The following DLGAP1 variants were observed in gnomAD, a reference collection of about 807,000 sequenced individuals.
DLGAP1 encodes the protein DLG associated protein 1.
A neutral mutation model predicts 90.8 loss-of-function variants in DLGAP1; 11 were observed. That is an observed-to-expected ratio of 0.12 (90% CI 0.08 to 0.20). The LOEUF (loss-of-function observed/expected upper bound fraction) is 0.20. DLGAP1 is among the 10% of genes least tolerant of loss of function. DLGAP1 has a pLI of 1.00. For missense variants in DLGAP1, 1,050 were observed against 1,333.8 expected, an observed-to-expected ratio of 0.79 and a Z score of 3.31; for synonymous variants, 558 against 540.7, an observed-to-expected ratio of 1.03 and a Z score of -0.44.
chr18:3,913,696 C>T (rs533443849), intron 3 of DLGAP1, among the ~76,000 whole-genome samples: 1 of 152,248 alleles, frequency 6.6e-6, no homozygotes, highest in South Asian at 2.1e-4. Flanking sequence ...ATTAATATTG[C>T]TCCTTAAAAC....
chr18:3,832,310 T>G (rs2068074030), intron 4 of DLGAP1, among the ~76,000 whole-genome samples: 1 of 152,198 alleles, frequency 6.6e-6, no homozygotes, highest in African/African-American at 2.4e-5. Flanking sequence ...TGCAGATATA[T>G]TTCATTTGAG....
rs866402553 is a variant in DLGAP1, at chr18:4,269,055, C to T, written c.-266-117768G>A. ...AGATTGATGGATTATTAAAAATTGG[C>T]AAATCAGAGTAGTCCCAGTTAATAT... On this transcript the variant is annotated intron_variant, in intron 1 of 12. Coordinates refer to ENST00000315677, the MANE Select transcript of DLGAP1 (RefSeq NM_004746.4). Among the ~76,000 whole-genome samples the T allele has an allele frequency of 3.1e-4, 47 of 151,936 alleles. 1 individual carries two copies. The highest frequency in any genetic ancestry group is 1.1e-3 in the African/African-American group (46 of 41,500).
chr18:3,601,065 T>C (rs965389194), intron 7 of DLGAP1, among the ~76,000 whole-genome samples: 1 of 148,024 alleles, frequency 6.8e-6, no homozygotes, highest in Non-Finnish European at 1.5e-5. Flanking sequence ...TATATAGATA[T>C]ATAGATATAT....
intron 1 of DLGAP1, among the ~76,000 whole-genome samples, chr18:4,434,887 C>T (rs368174568): frequency 2.0e-5 from 3 of 152,082 alleles, no homozygotes; most frequent in Admixed American, 6.6e-5. Context: ...CATAAAACAC[C>T]GTGTTATTTA....
chr18:3,565,796 C>T lies in DLGAP1; in HGVS notation c.2057+1694G>A, dbSNP rs1482768464. Among the ~76,000 whole-genome samples, 3 of 152,010 alleles carry T rather than the reference C, an allele frequency of 2.0e-5. No homozygotes were observed. Among genetic ancestry groups the T allele is most frequent in the Non-Finnish European group, 4.4e-5 (3 of 67,998 alleles). Reference sequence around the variant, plus strand: ...GTTGCAGTGAGCCGAAATTGCACCACTGCACCCCAGCCTGGGCGACAGAGT... The same window carrying T: ...GTTGCAGTGAGCCGAAATTGCACCATTGCACCCCAGCCTGGGCGACAGAGT... On this transcript the variant is annotated intron_variant, in intron 9 of 12. Coordinates refer to ENST00000315677, the MANE Select transcript of DLGAP1 (RefSeq NM_004746.4). This position sits in a 1 kb window ranked among gnomAD's most constrained non-coding sequence, Gnocchi z 4.0.
At chr18:3,765,419 T>C (rs940634553) in intron 5 of DLGAP1, among the ~76,000 whole-genome samples, 6 of 151,054 alleles carry the variant, frequency 4.0e-5, no homozygotes, top group African/African-American at 7.3e-5. Flanking sequence ...CGTGAGCCAC[T>C]GCACCTGGCT....
At chr18:3,671,065 C>CT (rs1468187147) in intron 7 of DLGAP1, among the ~76,000 whole-genome samples, 3 of 152,112 alleles carry the variant, frequency 2.0e-5, no homozygotes, top group Non-Finnish European at 2.9e-5. Context: ...CCCATCCCTT[C>CT]TTTCTTTTTC....
chr18:4,234,622 A>C (rs1275788224), intron 1 of DLGAP1, among the ~76,000 whole-genome samples: 1 of 152,176 alleles, frequency 6.6e-6, no homozygotes, highest in Non-Finnish European at 1.5e-5. Flanking sequence ...TTTGTTCTTC[A>C]AATTATAAAA....
intron 3 of DLGAP1, among the ~76,000 whole-genome samples, chr18:3,890,069 C>T (rs975042460): frequency 4.6e-5 from 7 of 152,150 alleles, no homozygotes; most frequent in African/African-American, 1.7e-4. Flanking sequence ...CTTACTCATC[C>T]AAGTAAAGGG....
intron 2 of DLGAP1, among the ~76,000 whole-genome samples, chr18:4,007,483 C>T (rs2074326575): frequency 6.6e-6 from 1 of 151,978 alleles, no homozygotes; most frequent in Non-Finnish European, 1.5e-5. Flanking sequence ...GGCAAAACCC[C>T]GTCTCTACTA....
At chr18:3,862,628 G>T (rs7242609) in intron 4 of DLGAP1, among the ~76,000 whole-genome samples, 4 of 152,054 alleles carry the variant, frequency 2.6e-5, no homozygotes, top group Non-Finnish European at 4.4e-5. Context: ...ATGGCCAGCA[G>T]GTCATGAGTG....
intron 2 of DLGAP1, among the ~76,000 whole-genome samples, chr18:4,017,483 A>G (rs1427342565): frequency 2.0e-5 from 3 of 152,244 alleles, no homozygotes; most frequent in Non-Finnish European, 4.4e-5. Flanking sequence ...CTTCTACCAC[A>G]GAAAAAGGTA....
intron 10 of DLGAP1, among the ~76,000 whole-genome samples, chr18:3,527,566 GT>G (rs199692141): frequency 0.02 from 3,059 of 151,100 alleles, 38 homozygotes; most frequent in South Asian, 0.031. Flanking sequence ...TGTTTTTTTA[GT>G]TTTTTTTGTT....
At chr18:3,763,733 G>A (rs1399356112) in intron 5 of DLGAP1, among the ~76,000 whole-genome samples, 2 of 150,622 alleles carry the variant, frequency 1.3e-5, no homozygotes, top group South Asian at 2.1e-4. Flanking sequence ...GCGTGATCTC[G>A]TCTCACTGCA....
At chr18:4,133,648 A>G (rs939364520) in intron 2 of DLGAP1, among the ~76,000 whole-genome samples, 3 of 152,180 alleles carry the variant, frequency 2.0e-5, no homozygotes, top group African/African-American at 7.2e-5. Flanking sequence ...CTAGAGATCA[A>G]TTTGCTCATT....
intron 1 of DLGAP1, among the ~76,000 whole-genome samples, chr18:4,365,564 T>G (rs2081744519): frequency 6.6e-6 from 1 of 152,172 alleles, no homozygotes; most frequent in African/African-American, 2.4e-5. Flanking sequence ...GTATGCAATT[T>G]ATACCTCAAT....
chr18:3,943,099 G>A (rs1002080494), intron 3 of DLGAP1, among the ~76,000 whole-genome samples: 4 of 151,700 alleles, frequency 2.6e-5, no homozygotes, highest in Admixed American at 2.6e-4. Flanking sequence ...CTCTCCATTC[G>A]GTTCTCTATT....
intron 7 of DLGAP1, among the ~76,000 whole-genome samples, chr18:3,707,594 A>T (rs1418363151): frequency 6.8e-6 from 1 of 146,530 alleles, no homozygotes; most frequent in Admixed American, 6.9e-5. Flanking sequence ...AGTGAGTGAG[A>T]CTCCATCTCA....
At chr18:4,249,883 G>A (rs1053470354) in intron 1 of DLGAP1, among the ~76,000 whole-genome samples, 3 of 152,114 alleles carry the variant, frequency 2.0e-5, no homozygotes, top group Non-Finnish European at 4.4e-5. Flanking sequence ...GCCACCAAGC[G>A]TGACCATGTA....
Sources: allele counts gnomAD v4.1 joint callset (sites outside exome capture counted in the v4.1 genomes callset), GRCh38; gene constraint gnomAD v4.1.1; non-coding constraint Gnocchi (gnomAD v3.1); transcripts MANE v1.5; gene names NCBI Gene and HGNC (gene_info 2026-07-23, HGNC 2026-07-21).